CSGALNACT1: variants seen among roughly 807,000 people sequenced by gnomAD.
CSGALNACT1 encodes beta4GalNAcT-1.
CSGALNACT1 carries 52 observed loss-of-function variants against 51.0 expected under a neutral mutation model. The ratio of observed to expected loss-of-function variants is 1.02; its 90% CI spans 0.82 to 1.29. CSGALNACT1 has a LOEUF of 1.29. Among genes scored for constraint, CSGALNACT1 ranks in the 50% most tolerant of loss-of-function variants. The pLI, the probability that CSGALNACT1 is intolerant of heterozygous loss-of-function variation, is 0.00. For missense variants in CSGALNACT1, 935 were observed against 679.2 expected (o/e 1.38, Z -4.19); for synonymous variants, 341 against 254.4 (o/e 1.34, Z -3.24).
At chr8:19,445,441 G>A (rs1340487192) in intron 5 of CSGALNACT1, among the ~76,000 whole-genome samples, 1 of 152,190 alleles carries the variant, frequency 6.6e-6, no homozygotes, top group Non-Finnish European at 1.5e-5. Flanking sequence ...AGAACTTCCT[G>A]TTTTTAAGCA....
intron 1 of CSGALNACT1, among the ~76,000 whole-genome samples, chr8:19,680,968 A>T (rs945910395): frequency 6.6e-6 from 1 of 152,046 alleles, no homozygotes. Flanking sequence ...TCCCTTGTTG[A>T]TGAAAACTGC....
intron 1 of CSGALNACT1, among the ~76,000 whole-genome samples, chr8:19,681,942 G>T (rs1239282630): frequency 6.6e-6 from 1 of 152,222 alleles, no homozygotes; most frequent in African/African-American, 2.4e-5. Context: ...ACCTGCCAGT[G>T]TCCATTTTCT....
chr8:19,543,668 T>C (rs10282938), intron 3 of CSGALNACT1, among the ~76,000 whole-genome samples: 50,219 of 152,114 alleles, frequency 0.33, 9,606 homozygotes, highest in African/African-American at 0.54. Context: ...GCACTCTTTA[T>C]GTAGCCTTTC....
chr8:19,616,716 G>C (rs2053073303), intron 1 of CSGALNACT1, among the ~76,000 whole-genome samples: 1 of 152,116 alleles, frequency 6.6e-6, no homozygotes, highest in Non-Finnish European at 1.5e-5. Context: ...CTCTCACCAT[G>C]TGATGTATCT....
intron 1 of CSGALNACT1, among the ~76,000 whole-genome samples, chr8:19,691,816 C>T (rs771551217): frequency 6.6e-5 from 10 of 152,182 alleles, no homozygotes; most frequent in Non-Finnish European, 1.3e-4. Context: ...GCTGGGCTGG[C>T]AGCAACAGCA....
chr8:19,466,474 C>T (rs7002357), intron 4 of CSGALNACT1, among the ~76,000 whole-genome samples: 2 of 152,054 alleles, frequency 1.3e-5, no homozygotes, highest in African/African-American at 4.8e-5. Context: ...AAAAAGGAAC[C>T]GGTAAATGCT....
intron 4 of CSGALNACT1, among the ~76,000 whole-genome samples, chr8:19,483,990 C>A (rs75630059): frequency 0.14 from 21,912 of 152,086 alleles, 1,662 homozygotes; most frequent in Middle Eastern, 0.22. Context: ...AATAAACAGT[C>A]CATCCTGTCC....
intron 1 of CSGALNACT1, among the ~76,000 whole-genome samples, chr8:19,701,157 T>TTTTTTTTTG (rs1446438705): frequency 7.3e-6 from 1 of 137,592 alleles, no homozygotes; most frequent in Non-Finnish European, 1.6e-5. Context: ...TTATCCGTTT[T>TTTTTTTTTG]TTTTTTTTTT....
chr8:19,432,617 T>C (rs1283516483), intron 6 of CSGALNACT1, among the ~76,000 whole-genome samples: 2 of 151,522 alleles, frequency 1.3e-5, no homozygotes, highest in African/African-American at 2.4e-5. Flanking sequence ...TTCATTCTTT[T>C]TTCTGTTTTT....
intron 1 of CSGALNACT1, among the ~76,000 whole-genome samples, chr8:19,631,324 T>C (rs936220112): frequency 3.9e-5 from 6 of 152,214 alleles, no homozygotes; most frequent in Admixed American, 2.6e-4. Flanking sequence ...CCACCAGCAA[T>C]GAATGGAGTT....
At chr8:19,404,829 G>A (rs1391512105) in exon 10 of CSGALNACT1, 1 of 454,536 alleles carries the variant, frequency 2.2e-6, no homozygotes, top group South Asian at 1.6e-5. Flanking sequence ...CTGTAAAGCA[G>A]AAAGTGTCAT....
chr8:19,416,142 T>C (rs891872570), intron 8 of CSGALNACT1, among the ~76,000 whole-genome samples: 1 of 130,432 alleles, frequency 7.7e-6, no homozygotes, highest in South Asian at 2.4e-4. Context: ...TGAGACAGAG[T>C]CTTGCTCTGT....
At chr8:19,492,183 G>T (rs751783951) in intron 4 of CSGALNACT1, among the ~76,000 whole-genome samples, 1 of 152,280 alleles carries the variant, frequency 6.6e-6, no homozygotes, top group South Asian at 2.1e-4. Context: ...ATGCGAGAAG[G>T]CTCTTCTTTT....
intron 1 of CSGALNACT1, among the ~76,000 whole-genome samples, chr8:19,680,996 G>A (rs138104954): frequency 2.0e-5 from 3 of 152,216 alleles, no homozygotes; most frequent in Non-Finnish European, 4.4e-5. Context: ...TGTACAGACT[G>A]TATACAAGAC....
chr8:19,458,501 G>A (rs374398144), exon 5 of CSGALNACT1: 2 of 1,613,990 alleles, frequency 1.2e-6, no homozygotes, highest in African/African-American at 1.3e-5. Flanking sequence ...AAGCGTGTTG[G>A]CCATGTTGAG....
chr8:19,423,187 A>C (rs75675477), intron 6 of CSGALNACT1, among the ~76,000 whole-genome samples: 2,326 of 152,318 alleles, frequency 0.015, 64 homozygotes, highest in African/African-American at 0.053. Context: ...ATAGGCTCTT[A>C]ATAGGCTGCA....
intron 2 of CSGALNACT1, among the ~76,000 whole-genome samples, chr8:19,593,366 T>C (rs1157970654): frequency 6.6e-6 from 1 of 152,224 alleles, no homozygotes; most frequent in Non-Finnish European, 1.5e-5. Context: ...AGGTTCACCA[T>C]ATGCAAGTGA....
intron 5 of CSGALNACT1, among the ~76,000 whole-genome samples, chr8:19,446,516 C>G (rs1407824969): frequency 1.3e-5 from 2 of 152,126 alleles, no homozygotes; most frequent in Admixed American, 1.3e-4. Flanking sequence ...TTCATTCATT[C>G]ATTCATTCAC....
intron 8 of CSGALNACT1, among the ~76,000 whole-genome samples, chr8:19,416,647 C>A (rs1441789453): frequency 6.6e-6 from 1 of 152,152 alleles, no homozygotes; most frequent in Admixed American, 6.5e-5. Context: ...TGAATACCAT[C>A]GTGCTTCAAT....
Sources: allele counts gnomAD v4.1 joint callset (sites outside exome capture counted in the v4.1 genomes callset), GRCh38; gene constraint gnomAD v4.1.1; transcripts MANE v1.5; gene names NCBI Gene and HGNC (gene_info 2026-07-23, HGNC 2026-07-21).